Variants in PAK5 observed in about 807,000 individuals in gnomAD.
The protein encoded by PAK5 is p21 (RAC1) activated kinase 5, also known as serine/threonine-protein kinase PAK 5.
In PAK5, 16 loss-of-function variants were observed where a neutral mutation model predicts 65.9. That is an observed-to-expected ratio of 0.24 (90% CI 0.16 to 0.37). The LOEUF is 0.37. Ranked by LOEUF, PAK5 falls within the 10% of genes least tolerant of loss-of-function variation. The probability of loss-of-function intolerance (pLI) is 1.00; values close to 1 mark genes in which losing one functional copy is unlikely to be tolerated. For synonymous variants in PAK5, 371 were observed against 354.9 expected, an observed-to-expected ratio of 1.05 and a Z score of -0.51; for missense variants, 785 against 903.9, an observed-to-expected ratio of 0.87 and a Z score of 1.69.
chr20:9,718,048 ACT>A (rs1349931658), intron 1 of PAK5, among the ~76,000 whole-genome samples: 2 of 152,034 alleles, frequency 1.3e-5, no homozygotes, highest in East Asian at 3.9e-4. Flanking sequence ...ATGGCACCTG[ACT>A]CTGAGATATG....
intron 2 of PAK5, among the ~76,000 whole-genome samples, chr20:9,656,828 A>T (rs1170432216): frequency 6.6e-6 from 1 of 152,204 alleles, no homozygotes; most frequent in African/African-American, 2.4e-5. Flanking sequence ...TAAAGGAAAG[A>T]AATAAAATGT....
intron 3 of PAK5, among the ~76,000 whole-genome samples, chr20:9,602,152 G>A (rs532014330): frequency 6.6e-6 from 1 of 152,032 alleles, no homozygotes; most frequent in South Asian, 2.1e-4. Flanking sequence ...TTAGCTGGGT[G>A]TGGTGGTGCA....
At chr20:9,830,097 T>C (rs914894880) in intron 1 of PAK5, among the ~76,000 whole-genome samples, 13 of 152,200 alleles carry the variant, frequency 8.5e-5, no homozygotes, top group Non-Finnish European at 1.2e-4. Flanking sequence ...GGGGTCTTTG[T>C]TGCAGAGGAG....
chr20:9,813,359 T>C (rs1022538120), intron 1 of PAK5, among the ~76,000 whole-genome samples: 1 of 151,264 alleles, frequency 6.6e-6, no homozygotes, highest in Non-Finnish European at 1.5e-5. Flanking sequence ...AAGACAGGTA[T>C]ACCTCAATAA....
chr20:9,731,190 G>A (rs1444708445), intron 1 of PAK5, among the ~76,000 whole-genome samples: 1 of 152,102 alleles, frequency 6.6e-6, no homozygotes, highest in Non-Finnish European at 1.5e-5. Flanking sequence ...AATATAAAAT[G>A]TCAAAATTAA....
intron 1 of PAK5, among the ~76,000 whole-genome samples, chr20:9,776,960 T>C (rs2048893591): frequency 6.6e-6 from 1 of 152,212 alleles, no homozygotes; most frequent in Admixed American, 6.5e-5. Context: ...ATATTCACTA[T>C]GAGCTAATTA....
chr20:9,637,194 G>C (rs1317561585), intron 3 of PAK5, among the ~76,000 whole-genome samples: 1 of 152,026 alleles, frequency 6.6e-6, no homozygotes, highest in Admixed American at 6.6e-5. Context: ...ACTTTTAGTG[G>C]AGACGAGGTT....
intron 8 of PAK5, among the ~76,000 whole-genome samples, chr20:9,543,321 G>A (rs2045295628): frequency 6.6e-6 from 1 of 152,114 alleles, no homozygotes; most frequent in Non-Finnish European, 1.5e-5. Context: ...TGACAAGCAA[G>A]TAGTAAAGAA....
chr20:9,792,334 G>A (rs959929036), intron 1 of PAK5, among the ~76,000 whole-genome samples: 2 of 152,102 alleles, frequency 1.3e-5, no homozygotes, highest in East Asian at 3.9e-4. Context: ...GAGAAGTTTG[G>A]TAATCATGGT....
chr20:9,822,086 C>T lies in PAK5; in HGVS notation c.-162+16676G>A, dbSNP rs1288312011. On this transcript the variant is annotated intron_variant, in intron 1 of 9. Transcript: ENST00000353224. ...GGCAGATTGCCTGAGCTCAGGAGTT[C>T]GAGACCAGCTTGGGCAATATGGTGA... Among the ~76,000 whole-genome samples the T allele has an allele frequency of 3.3e-5, 5 of 152,062 alleles. No homozygotes were observed. The East Asian group carries it at 9.7e-4, about 29-fold the overall frequency.
rs2047235832 is a variant in PAK5 at position 9,654,095 on chromosome 20, ACCTGAGT to A, written c.-11-9763_-11-9757del. Among the ~76,000 whole-genome samples, 8 of 151,378 alleles carry A rather than the reference ACCTGAGT, an allele frequency of 5.3e-5. No homozygotes were observed. In the South Asian group the frequency reaches 1.7e-3, roughly 32 times the overall value. On this transcript the variant is annotated intron_variant, in intron 2 of 9. Coordinates refer to ENST00000353224, the MANE Select transcript of PAK5 (RefSeq NM_177990.4). ...TTCAAGCGATTCTCTGGCCTCAGCC[ACCTGAGT>A]GGCTGGGATTACAGGCATGCACCAC...
chr20:9,814,255 A>G lies in PAK5; in HGVS notation c.-162+24507T>C, dbSNP rs150787816. Among the ~76,000 whole-genome samples the G allele has an allele frequency of 7.9e-5, 12 of 152,324 alleles. No homozygotes were observed. In the East Asian group the frequency reaches 1.7e-3, roughly 22 times the overall value. On this transcript the variant is annotated intron_variant, in intron 1 of 9. Coordinates refer to ENST00000353224, the MANE Select transcript of PAK5 (RefSeq NM_177990.4). ...AGATCCAAAGTGAGGCCGTTGAAAG[A>G]TTCTACATAGGAATTGTTATGAAAT...
At position 9,668,161 on chromosome 20, in the gene PAK5, CA is replaced by C. The variant is rs2047445087; in HGVS notation, c.-11-23823del. Among the ~76,000 whole-genome samples the C allele has an allele frequency of 2.0e-5, 3 of 152,080 alleles. No individual in the cohort carries two copies. In the South Asian group the frequency reaches 6.2e-4, roughly 32 times the overall value. ...GGGTATCCATCTAAGAATTTAAATT[CA>C]TAGCTCTCTCATACAACCTAAGACA... On this transcript the variant is annotated intron_variant, in intron 2 of 9. Transcript: ENST00000353224.
chr20:9,691,808 C>T (rs1268264022), intron 2 of PAK5, among the ~76,000 whole-genome samples: 1 of 152,118 alleles, frequency 6.6e-6, no homozygotes, highest in Non-Finnish European at 1.5e-5. Flanking sequence ...CAAGAAAACC[C>T]CATATTCAGT....
chr20:9,569,565 G>C (rs999936832), intron 4 of PAK5, among the ~76,000 whole-genome samples: 2 of 152,176 alleles, frequency 1.3e-5, no homozygotes, highest in African/African-American at 4.8e-5. Context: ...ATTTCAAGAA[G>C]GAAGGGCTAA....
chr20:9,592,000 C>G (rs1300468850), intron 3 of PAK5, among the ~76,000 whole-genome samples: 1 of 152,124 alleles, frequency 6.6e-6, no homozygotes, highest in African/African-American at 2.4e-5. Flanking sequence ...CACTGTAATT[C>G]ATATTTCAGA....
intron 1 of PAK5, among the ~76,000 whole-genome samples, chr20:9,805,091 A>G (rs2049215622): frequency 6.6e-6 from 1 of 152,230 alleles, no homozygotes; most frequent in Non-Finnish European, 1.5e-5. Flanking sequence ...TTTCCCAAAA[A>G]AATACAAATG....
chr20:9,749,632 A>G (rs1462959389), intron 1 of PAK5, among the ~76,000 whole-genome samples: 2 of 152,186 alleles, frequency 1.3e-5, no homozygotes, highest in African/African-American at 4.8e-5. Context: ...ATGTAATCAC[A>G]TGTATTTCCT....
At chr20:9,821,465 A>G (rs181667521) in intron 1 of PAK5, among the ~76,000 whole-genome samples, 30 of 152,246 alleles carry the variant, frequency 2.0e-4, no homozygotes, top group Admixed American at 1.4e-3. Context: ...AGAACACAAT[A>G]CTTTGTAGCC....
Sources: allele counts gnomAD v4.1 joint callset (sites outside exome capture counted in the v4.1 genomes callset), GRCh38; gene constraint gnomAD v4.1.1; transcripts MANE v1.5; gene names NCBI Gene and HGNC (gene_info 2026-07-23, HGNC 2026-07-21).